Variants in WIPF1 observed in about 807,000 individuals in gnomAD.
WIPF1 encodes WAS/WASL-interacting protein family member 1.
In WIPF1, 13 loss-of-function variants were observed where a neutral mutation model predicts 35.4. The observed-to-expected ratio is 0.37, with a 90% CI of 0.24 to 0.58. The LOEUF is 0.58. Ranked by LOEUF, WIPF1 falls within the 20% of genes least tolerant of loss-of-function variation. WIPF1 has a pLI of 0.74. For synonymous variants in WIPF1, 267 were observed against 266.3 expected (o/e 1.00, Z -0.02); for missense variants, 591 against 667.0 (o/e 0.89, Z 1.25).
chr2:174,601,211 A>G (rs1451476595), upstream of WIPF1, among the ~76,000 whole-genome samples: 1 of 152,094 alleles, frequency 6.6e-6, no homozygotes, highest in Non-Finnish European at 1.5e-5. Context: ...ATAGGTGTGA[A>G]CCACCACGCT....
chr2:174,665,727 T>C (rs1174089624), intron 1 of WIPF1: 1 of 152,242 alleles, frequency 6.6e-6, no homozygotes, highest in East Asian at 1.9e-4. Flanking sequence ...CTATCCTGTA[T>C]ACACTGGGTC....
At chr2:174,643,750 T>C (rs903367924) in intron 1 of WIPF1, among the ~76,000 whole-genome samples, 4 of 152,218 alleles carry the variant, frequency 2.6e-5, no homozygotes, top group Non-Finnish European at 5.9e-5. Context: ...TTTTCAGTGC[T>C]AGGATACTCA....
intron 1 of WIPF1, among the ~76,000 whole-genome samples, chr2:174,610,969 T>C (rs914796218): frequency 6.6e-6 from 1 of 152,126 alleles, no homozygotes; most frequent in East Asian, 1.9e-4. Flanking sequence ...TTTCTAGAAA[T>C]AGAAGTGTTT....
At chr2:174,671,819 C>T (rs527649979) in intron 1 of WIPF1, among the ~76,000 whole-genome samples, 1 of 152,170 alleles carries the variant, frequency 6.6e-6, no homozygotes, top group Non-Finnish European at 1.5e-5. Flanking sequence ...TGCTCTCAAA[C>T]CCTGTCTCCT....
intron 1 of WIPF1, among the ~76,000 whole-genome samples, chr2:174,647,711 AG>A (rs1331106460): frequency 6.6e-6 from 1 of 151,854 alleles, no homozygotes; most frequent in Non-Finnish European, 1.5e-5. Flanking sequence ...AAAAAAAATG[AG>A]GAAAGCCTCA....
In WIPF1 at chr2:174,622,249, C is replaced by A. The variant is rs1686698722; in HGVS notation, c.-38-36638G>T. ...ACTTCAAATATTTGCAAACTAACTT[C>A]ATAATTTTGTCATGCCTGCATACCA... On this transcript the variant is annotated intron_variant, in intron 1 of 8. Transcript: ENST00000272746. This position sits in a 1 kb window ranked among gnomAD's most constrained non-coding sequence, Gnocchi z 5.1. Among the ~76,000 whole-genome samples, 1 of 152,110 alleles carries A rather than the reference C, an allele frequency of 6.6e-6. No homozygotes were observed.
intron 1 of WIPF1, among the ~76,000 whole-genome samples, chr2:174,675,837 G>T (rs1215810045): frequency 2.0e-5 from 3 of 151,708 alleles, no homozygotes; most frequent in Non-Finnish European, 4.4e-5. Flanking sequence ...TGGAGGCGGG[G>T]GTGTGAGGGG....
Position 174,560,346 on chromosome 2 carries a change from G to T in WIPF1, c.*2201C>A, listed in dbSNP as rs1412233124. On this transcript the variant is annotated 3_prime_UTR_variant, in exon 8 of 8. Coordinates refer to ENST00000679041, the MANE Select transcript of WIPF1 (RefSeq NM_001375834.1). ...TCAGATTTAGAACGGTACCTGCCAA[G>T]TTCAGATATGCAAAGGAATTGTCCA... The T allele has an allele frequency of 6.6e-6, 1 of 152,554 alleles. No homozygotes were observed. Among genetic ancestry groups the T allele is most frequent in the African/African-American group, 2.4e-5 (1 of 41,418 alleles). 9.5% of individuals were successfully genotyped at this position (152,554 alleles called of 1,614,324 possible).
intron 1 of WIPF1, among the ~76,000 whole-genome samples, chr2:174,667,879 G>A (rs984971784): frequency 5.3e-5 from 8 of 152,138 alleles, no homozygotes; most frequent in African/African-American, 1.9e-4. Flanking sequence ...TATAAACTCC[G>A]CTAGTTTGAT....
intron 1 of WIPF1, among the ~76,000 whole-genome samples, chr2:174,592,605 A>ATT (rs36039287): frequency 6.1e-5 from 8 of 131,734 alleles, no homozygotes; most frequent in South Asian, 2.4e-4. Context: ...TTATTTATTG[A>ATT]TTTTTTTTTT....
At chr2:174,631,256 T>C (rs550790710) in intron 1 of WIPF1, among the ~76,000 whole-genome samples, 16 of 152,336 alleles carry the variant, frequency 1.1e-4, no homozygotes, top group African/African-American at 3.6e-4. Context: ...GAAAATGTGA[T>C]ATATACATAC....
At chr2:174,570,429 T>C (rs758670076) in intron 5 of WIPF1, 22 of 152,226 alleles carry the variant, frequency 1.4e-4, no homozygotes, top group Non-Finnish European at 2.8e-4. Flanking sequence ...AATAAACAAG[T>C]ATGACTTACG....
At chr2:174,614,743 A>G (rs1201051347) in intron 1 of WIPF1, among the ~76,000 whole-genome samples, 1 of 152,280 alleles carries the variant, frequency 6.6e-6, no homozygotes, top group African/African-American at 2.4e-5. Context: ...TTCTGTATAC[A>G]GAATTTCCTA....
chr2:174,635,310 A>G (rs531962456), intron 1 of WIPF1, among the ~76,000 whole-genome samples: 1 of 152,188 alleles, frequency 6.6e-6, no homozygotes, highest in Non-Finnish European at 1.5e-5. Flanking sequence ...GCTGGGCATC[A>G]TCTTCCTCCA....
chr2:174,603,984 C>T (rs1001379581), intron 1 of WIPF1, among the ~76,000 whole-genome samples: 2 of 152,138 alleles, frequency 1.3e-5, no homozygotes, highest in African/African-American at 4.8e-5. Flanking sequence ...CATATAAAAA[C>T]ATGACAGAAC....
chr2:174,662,397 C>T (rs1364338640), intron 1 of WIPF1, among the ~76,000 whole-genome samples: 1 of 152,164 alleles, frequency 6.6e-6, no homozygotes, highest in Non-Finnish European at 1.5e-5. Flanking sequence ...AACTCTTTCC[C>T]TGGATTGGTG....
intron 1 of WIPF1, among the ~76,000 whole-genome samples, chr2:174,586,641 G>A (rs887863357): frequency 3.3e-5 from 5 of 151,918 alleles, no homozygotes; most frequent in Non-Finnish European, 7.4e-5. Context: ...CTGTTCCTTC[G>A]CCTCACTAGA....
intron 1 of WIPF1, among the ~76,000 whole-genome samples, chr2:174,589,927 G>A (rs1186929534): frequency 6.6e-6 from 1 of 151,982 alleles, no homozygotes; most frequent in Non-Finnish European, 1.5e-5. Context: ...GACACAAAAG[G>A]GTCCCTTTGG....
chr2:174,577,783 G>A (rs147108652), intron 3 of WIPF1, among the ~76,000 whole-genome samples: 16 of 152,220 alleles, frequency 1.1e-4, no homozygotes, highest in Non-Finnish European at 1.8e-4. Flanking sequence ...GCCAAATGTG[G>A]TGGTGCATGC....
Sources: gnomAD v4.1 joint callset for allele counts (sites outside exome capture counted in the v4.1 genomes callset) on GRCh38, gnomAD v4.1.1 for gene constraint, Gnocchi (gnomAD v3.1) non-coding constraint, MANE v1.5 for transcripts, NCBI Gene and HGNC (gene_info 2026-07-23, HGNC 2026-07-21) for gene names.